The following ROBO2 variants were observed in gnomAD, a reference collection of about 807,000 sequenced individuals.
ROBO2 encodes roundabout guidance receptor 2.
Under a neutral mutation model 160.8 loss-of-function variants are expected in ROBO2, and 53 were observed. The ratio of observed to expected loss-of-function variants is 0.33; its 90% confidence interval spans 0.26 to 0.41. ROBO2 has a LOEUF of 0.41. ROBO2 is among the 10% of genes least tolerant of loss of function. The probability of loss-of-function intolerance (pLI) is 1.00; values close to 1 mark genes in which losing one functional copy is unlikely to be tolerated. For missense variants in ROBO2, 1,577 were observed against 1,722.4 expected (o/e 0.92, Z 1.49); for synonymous variants, 664 against 611.7 (o/e 1.09, Z -1.26).
intron 2 of ROBO2, among the ~76,000 whole-genome samples, chr3:77,099,007 C>T (rs2071508659): frequency 6.6e-6 from 1 of 151,380 alleles, no homozygotes; most frequent in Non-Finnish European, 1.5e-5. Context: ...ATATTTTCTC[C>T]TAAATAATAG....
At chr3:77,023,157 C>T (rs959686793) in intron 2 of ROBO2, among the ~76,000 whole-genome samples, 2 of 152,098 alleles carry the variant, frequency 1.3e-5, no homozygotes, top group South Asian at 2.1e-4. Flanking sequence ...GTCTTTCCCT[C>T]GCTATTCTCA....
chr3:76,188,097 A>G (rs766722923), intron 2 of ROBO2, among the ~76,000 whole-genome samples: 2 of 151,652 alleles, frequency 1.3e-5, no homozygotes, highest in Admixed American at 1.3e-4. Context: ...CATCTCTCCT[A>G]CTGTCCATGT....
intron 6 of ROBO2, 133 bp from the exon 7 acceptor site, chr3:77,527,270 G>C (rs2091254457): frequency 2.1e-6 from 1 of 485,620 alleles, no homozygotes; most frequent in South Asian, 2.2e-5. Context: ...GGTCATACTT[G>C]AATTGTGAGA....
At chr3:76,355,044 A>ATGTG (rs373836406) in intron 2 of ROBO2, among the ~76,000 whole-genome samples, 2 of 148,902 alleles carry the variant, frequency 1.3e-5, no homozygotes, top group African/African-American at 4.9e-5. Context: ...GTGTATGTGT[A>ATGTG]TGTGTGTGTG....
chr3:75,997,468 G>A (rs547871987), intron 2 of ROBO2, among the ~76,000 whole-genome samples: 6 of 149,994 alleles, frequency 4.0e-5, no homozygotes, highest in African/African-American at 1.5e-4. Flanking sequence ...AGTCTGAATG[G>A]AATTAAAGGC....
chr3:77,350,577 C>T (rs567712867), intron 2 of ROBO2, among the ~76,000 whole-genome samples: 25 of 152,136 alleles, frequency 1.6e-4, no homozygotes, highest in East Asian at 5.8e-4. Context: ...AAATTAGAGA[C>T]GAAGGACAGA....
intron 2 of ROBO2, among the ~76,000 whole-genome samples, chr3:76,197,044 G>A (rs771126210): frequency 6.6e-6 from 1 of 152,170 alleles, no homozygotes; most frequent in African/African-American, 2.4e-5. Flanking sequence ...TAAGTCGCTG[G>A]TTATACTGTT....
intron 2 of ROBO2, among the ~76,000 whole-genome samples, chr3:76,135,700 G>A (rs2071403202): frequency 6.6e-6 from 1 of 152,106 alleles, no homozygotes; most frequent in Non-Finnish European, 1.5e-5. Context: ...CATCTTGTCA[G>A]TAGCTGAGCC....
chr3:77,248,425 C>T (rs1355096697), intron 2 of ROBO2, among the ~76,000 whole-genome samples: 1 of 151,642 alleles, frequency 6.6e-6, no homozygotes, highest in African/African-American at 2.4e-5. Context: ...CACTGAAAAA[C>T]TGTCACACTG....
At chr3:75,960,212 C>A (rs1429112396) in intron 2 of ROBO2, among the ~76,000 whole-genome samples, 2 of 151,704 alleles carry the variant, frequency 1.3e-5, no homozygotes, top group African/African-American at 4.8e-5. Context: ...CTCCTGGAGT[C>A]CTTCAGAGCA....
chr3:77,605,531 G>A (rs2094509838), intron 20 of ROBO2, among the ~76,000 whole-genome samples: 2 of 152,074 alleles, frequency 1.3e-5, no homozygotes, highest in African/African-American at 4.8e-5. Context: ...AGTGATTGTT[G>A]GATAGAAAGC....
At position 76,738,916 on chromosome 3, in the gene ROBO2, G is replaced by T. The variant is rs190029416; in HGVS notation, c.110-359098G>T. ...AAATTTGATAGGGCAGGAAAAGTTG[G>T]TGTGGAATAGGGAGAATAAATGAAC... is the stretch of plus-strand genomic sequence containing the variant. On this transcript the variant is annotated intron_variant, in intron 2 of 26. Transcript: ENST00000487694. Among the ~76,000 whole-genome samples the T allele has an allele frequency of 3.1e-3, 468 of 152,204 alleles. 2 individuals carry two copies. The highest frequency in any genetic ancestry group is 0.01 in the African/African-American group (435 of 41,528).
chr3:77,396,301 G>A (rs371966329), intron 2 of ROBO2, among the ~76,000 whole-genome samples: 2 of 151,978 alleles, frequency 1.3e-5, no homozygotes, highest in East Asian at 1.9e-4. Context: ...TTCAAAACTA[G>A]GCAGTCTGTA....
rs555944917 is a variant in ROBO2, at chr3:77,157,298, T to TTAA, written c.388+58959_388+58961dup. 2.0e-5 allele frequency among the ~76,000 whole-genome samples: 3 copies of TTAA among 151,656 alleles called. No homozygotes were observed. The South Asian group carries it at 6.3e-4, about 32-fold the overall frequency. On this transcript the variant is annotated intron_variant, in intron 2 of 25. Transcript: ENST00000461745. Reference sequence around the variant, plus strand: ...TTAACAATGAGTATTCCTAAGTATATTAAGGTTAGCATATAATTGAAAGGT... The same window carrying TTAA: ...TTAACAATGAGTATTCCTAAGTATATTAATAAGGTTAGCATATAATTGAAAGGT...
chr3:76,262,903 T>C (rs902782877), intron 2 of ROBO2, among the ~76,000 whole-genome samples: 1 of 152,138 alleles, frequency 6.6e-6, no homozygotes, highest in Non-Finnish European at 1.5e-5. Flanking sequence ...TCTAAAAATT[T>C]AAAAAGTTGG....
At chr3:77,178,385 C>G (rs2080363397) in intron 2 of ROBO2, among the ~76,000 whole-genome samples, 2 of 152,004 alleles carry the variant, frequency 1.3e-5, no homozygotes, top group African/African-American at 4.8e-5. Flanking sequence ...AGATGGTTGG[C>G]TTTGTTTCTT....
intron 23 of ROBO2, among the ~76,000 whole-genome samples, chr3:77,624,089 C>T (rs1046256854): frequency 6.6e-5 from 10 of 152,084 alleles, no homozygotes; most frequent in Admixed American, 6.6e-4. Flanking sequence ...TCCTTGAATT[C>T]ACTGCTTAAT....
chr3:77,374,768 T>A (rs918733554), intron 2 of ROBO2, among the ~76,000 whole-genome samples: 12 of 152,328 alleles, frequency 7.9e-5, no homozygotes, highest in Middle Eastern at 6.8e-3. Context: ...GTTGCTTGTA[T>A]CCTAATTATA....
intron 2 of ROBO2, among the ~76,000 whole-genome samples, chr3:76,199,284 C>T (rs1242905449): frequency 6.6e-6 from 1 of 152,046 alleles, no homozygotes; most frequent in Non-Finnish European, 1.5e-5. Context: ...GAGTCAAACC[C>T]CAGGAATGTC....
Sources: gnomAD v4.1 joint callset for allele counts (sites outside exome capture counted in the v4.1 genomes callset) on GRCh38, gnomAD v4.1.1 for gene constraint, MANE v1.5 for transcripts, NCBI Gene and HGNC (gene_info 2026-07-23, HGNC 2026-07-21) for gene names.